UBE2K: variants seen among roughly 807,000 people sequenced by gnomAD.
The protein encoded by UBE2K is ubiquitin conjugating enzyme E2 K, also known as ubiquitin-conjugating enzyme E2 K.
A neutral mutation model predicts 30.0 loss-of-function variants in UBE2K; 6 were observed. The observed-to-expected ratio is 0.20, with a 90% CI of 0.11 to 0.39. The LOEUF (loss-of-function observed/expected upper bound fraction) is 0.39. UBE2K is among the 10% of genes least tolerant of loss of function. The probability of loss-of-function intolerance (pLI) is 1.00; values close to 1 mark genes in which losing one functional copy is unlikely to be tolerated. For synonymous variants in UBE2K, 86 were observed against 83.7 expected (o/e 1.03, Z -0.15); for missense variants, 61 against 241.6 (o/e 0.25, Z 4.96).
At chr4:39,699,643 G>T (rs1338818114) in intron 1 of UBE2K, among the ~76,000 whole-genome samples, 1 of 152,062 alleles carries the variant, frequency 6.6e-6, no homozygotes, top group Admixed American at 6.6e-5. Flanking sequence ...TACCATTATT[G>T]AATATATCAT....
intron 1 of UBE2K, among the ~76,000 whole-genome samples, chr4:39,732,038 A>C (rs900213524): frequency 6.6e-6 from 1 of 152,144 alleles, no homozygotes; most frequent in African/African-American, 2.4e-5. Context: ...AATATTGTTA[A>C]TTATTCTCTT....
chr4:39,754,542 G>T (rs1231447354), intron 3 of UBE2K, among the ~76,000 whole-genome samples: 2 of 152,130 alleles, frequency 1.3e-5, no homozygotes, highest in Admixed American at 1.3e-4. Flanking sequence ...AGTTGGTCGT[G>T]TTCTGTTGCC....
intron 1 of UBE2K, chr4:39,714,359 C>CA (rs1452216570): frequency 5.6e-6 from 1 of 180,064 alleles, no homozygotes; most frequent in Non-Finnish European, 1.3e-5. Context: ...AGGATTATGT[C>CA]ATGCACGCCT....
intron 5 of UBE2K, among the ~76,000 whole-genome samples, chr4:39,775,252 C>G (rs753360167): frequency 1.2e-4 from 18 of 152,160 alleles, no homozygotes; most frequent in Admixed American, 1.2e-3. Context: ...ATCTTTTTAT[C>G]CTTCCTTTCA....
intron 4 of UBE2K, among the ~76,000 whole-genome samples, chr4:39,774,326 G>A (rs926481435): frequency 2.0e-5 from 3 of 150,756 alleles, no homozygotes; most frequent in Non-Finnish European, 4.4e-5. Context: ...AAAAAAGGCC[G>A]GGCGCAGGTG....
At chr4:39,767,550 C>T (rs1560377130) in intron 4 of UBE2K, among the ~76,000 whole-genome samples, 1 of 152,044 alleles carries the variant, frequency 6.6e-6, no homozygotes, top group South Asian at 2.1e-4. Context: ...GTCTCGATCT[C>T]CTGACCTTGT....
Position 39,755,654 on chromosome 4 carries a change from T to C in UBE2K, c.217-3T>C. 6.2e-7 allele frequency: 1 copy of C among 1,604,136 alleles called. No homozygotes were observed. Among genetic ancestry groups the C allele is most frequent in the Non-Finnish European group, 8.5e-7 (1 of 1,175,344 alleles). On this transcript the variant is annotated splice_polypyrimidine_tract_variant and splice_region_variant and intron_variant, in intron 3 of 6. Transcript: ENST00000261427. ...AAAAACTCAAGTGTGCTTTATATTC[T>C]AGGTCCGGTTTATCACTAAAATATG...
chr4:39,769,468 C>T (rs1266586227), intron 4 of UBE2K, among the ~76,000 whole-genome samples: 5 of 144,804 alleles, frequency 3.5e-5, no homozygotes, highest in Non-Finnish European at 7.5e-5. Context: ...CCAGGATGTG[C>T]ACCCCATGTT....
chr4:39,762,080 G>A (rs1711985535), intron 4 of UBE2K, among the ~76,000 whole-genome samples: 1 of 151,938 alleles, frequency 6.6e-6, no homozygotes, highest in Non-Finnish European at 1.5e-5. Context: ...TCTGGAGGCT[G>A]AGGCAGAGAA....
intron 1 of UBE2K, among the ~76,000 whole-genome samples, chr4:39,736,714 A>G (rs1720401785): frequency 6.6e-6 from 1 of 152,244 alleles, no homozygotes; most frequent in Non-Finnish European, 1.5e-5. Flanking sequence ...GGAGTAGTTT[A>G]AAGTGCAAAA....
At chr4:39,742,240 T>C (rs1414354436) in intron 2 of UBE2K, among the ~76,000 whole-genome samples, 1 of 152,076 alleles carries the variant, frequency 6.6e-6, no homozygotes, top group East Asian at 1.9e-4. Context: ...TGAAGCCAAA[T>C]TTATTATAAC....
At chr4:39,731,940 G>A (rs1426285244) in intron 1 of UBE2K, among the ~76,000 whole-genome samples, 2 of 151,904 alleles carry the variant, frequency 1.3e-5, no homozygotes, top group African/African-American at 4.8e-5. Flanking sequence ...AACTTTAGGG[G>A]GCATTTAGAA....
chr4:39,745,187 A>T (rs1301795657), intron 2 of UBE2K, among the ~76,000 whole-genome samples: 1 of 152,172 alleles, frequency 6.6e-6, no homozygotes, highest in Non-Finnish European at 1.5e-5. Context: ...GGCTAGTGCA[A>T]AAGTAATTGC....
intron 1 of UBE2K, among the ~76,000 whole-genome samples, chr4:39,724,839 G>C (rs1288131825): frequency 6.6e-6 from 1 of 151,826 alleles, no homozygotes; most frequent in Non-Finnish European, 1.5e-5. Flanking sequence ...CCTTTAGTGT[G>C]AGGCATTACG....
intron 3 of UBE2K, among the ~76,000 whole-genome samples, chr4:39,753,589 A>G (rs1307527284): frequency 1.3e-5 from 2 of 152,214 alleles, no homozygotes; most frequent in Non-Finnish European, 2.9e-5. Context: ...TTAATATACT[A>G]TGACAAAGGA....
intron 3 of UBE2K, among the ~76,000 whole-genome samples, chr4:39,752,161 C>A (rs1026064954): frequency 6.6e-5 from 10 of 152,148 alleles, no homozygotes; most frequent in African/African-American, 2.4e-4. Flanking sequence ...GAGACGGAGT[C>A]TCGCTCTGTC....
At chr4:39,752,316 TTTTTTTTTCTTTTTTTTTC>T (rs1364020505) in intron 3 of UBE2K, among the ~76,000 whole-genome samples, 6 of 113,694 alleles carry the variant, frequency 5.3e-5, no homozygotes, top group African/African-American at 2.1e-4. Flanking sequence ...GGCTAATTTT[TTTTTTTTTCTTTTTTTTTC>T]TTTTTTTTTT....
At chr4:39,708,096 A>T (rs191213623) in intron 1 of UBE2K, among the ~76,000 whole-genome samples, 1 of 151,756 alleles carries the variant, frequency 6.6e-6, no homozygotes, top group Admixed American at 6.6e-5. Context: ...GGGTTTCTCC[A>T]TGGTGGTCAG....
rs115811023 is a variant in UBE2K, at chr4:39,777,469, G to T, written c.400-213G>T. Among the ~76,000 whole-genome samples, 130 of 152,272 alleles carry T rather than the reference G, an allele frequency of 8.5e-4. 3 individuals carry two copies. The highest frequency in any genetic ancestry group is 8.1e-4 in the Non-Finnish European group (55 of 67,996). ...AGATTAAAGTAGATTAATGTTACTT[G>T]TCTTTATTATTGTCAACACAAATTG... is the stretch of plus-strand genomic sequence containing the variant. On this transcript the variant is annotated intron_variant, in intron 5 of 6. Coordinates refer to ENST00000261427, the MANE Select transcript of UBE2K (RefSeq NM_005339.5).
Sources: gnomAD v4.1 joint callset for allele counts (sites outside exome capture counted in the v4.1 genomes callset) on GRCh38, gnomAD v4.1.1 for gene constraint, MANE v1.5 for transcripts, NCBI Gene and HGNC (gene_info 2026-07-23, HGNC 2026-07-21) for gene names.